The following GRIK2 variants were observed in gnomAD, a reference collection of about 807,000 sequenced individuals.
GRIK2 encodes the protein glutamate ionotropic receptor kainate type subunit 2, also known as glutamate receptor ionotropic, kainate 2.
GRIK2 carries 32 observed loss-of-function variants against 100.3 expected under a neutral mutation model. The observed-to-expected ratio is 0.32, with a 90% CI of 0.24 to 0.43. The LOEUF (loss-of-function observed/expected upper bound fraction) is 0.43. Ranked by LOEUF, GRIK2 falls within the 20% of genes least tolerant of loss-of-function variation. The pLI, the probability that GRIK2 is intolerant of heterozygous loss-of-function variation, is 1.00. For synonymous variants in GRIK2, 417 were observed against 389.4 expected, an observed-to-expected ratio of 1.07 and a Z score of -0.83; for missense variants, 843 against 1,114.9, an observed-to-expected ratio of 0.76 and a Z score of 3.47.
At chr6:102,031,104 CACACACACACACACACACACACA>C (rs1277618221) in intron 14 of GRIK2, among the ~76,000 whole-genome samples, 2 of 140,848 alleles carry the variant, frequency 1.4e-5, no homozygotes, top group African/African-American at 5.0e-5. Context: ...CACACACACA[CACACACACACACACACACACACA>C]CCCCCTTTGA....
chr6:101,899,709 CTT>C lies in GRIK2; in HGVS notation c.1748+9847_1748+9848del, dbSNP rs1787715287. On this transcript the variant is annotated intron_variant, in intron 12 of 16. Coordinates refer to ENST00000369134, the MANE Select transcript of GRIK2 (RefSeq NM_021956.5). ...TAAATTTTCCTATTAAATGGATAAA[CTT>C]AATATTTGAAGCAAAGGTGAAATTG... Among the ~76,000 whole-genome samples, 3 of 152,034 alleles carry C rather than the reference CTT, an allele frequency of 2.0e-5. No individual in the cohort carries two copies. In the South Asian group the frequency reaches 6.2e-4, roughly 31 times the overall value.
intron 12 of GRIK2, among the ~76,000 whole-genome samples, chr6:101,899,837 A>G (rs1787721980): frequency 6.6e-6 from 1 of 152,196 alleles, no homozygotes; most frequent in African/African-American, 2.4e-5. Context: ...TTATTTTAAC[A>G]TAATAAAATT....
chr6:101,407,454 T>C (rs1775652186), intron 2 of GRIK2, among the ~76,000 whole-genome samples: 1 of 152,112 alleles, frequency 6.6e-6, no homozygotes. Context: ...AATTTTGCTG[T>C]TTTTTTCAGT....
At chr6:101,681,929 C>T (rs1188254553) in intron 5 of GRIK2, among the ~76,000 whole-genome samples, 1 of 152,150 alleles carries the variant, frequency 6.6e-6, no homozygotes. Context: ...AAAGTTCTAA[C>T]CCAAAAGTCC....
At chr6:101,410,602 A>G (rs896642827) in intron 2 of GRIK2, among the ~76,000 whole-genome samples, 4 of 152,124 alleles carry the variant, frequency 2.6e-5, no homozygotes, top group Non-Finnish European at 4.4e-5. Context: ...CACCTCCTTG[A>G]GCAGTGGTAC....
intron 2 of GRIK2, among the ~76,000 whole-genome samples, chr6:101,430,104 G>T (rs1769293268): frequency 6.6e-6 from 1 of 152,140 alleles, no homozygotes; most frequent in African/African-American, 2.4e-5. Flanking sequence ...TGGGCACACA[G>T]ACTCACCAAA....
rs1769622631 is a variant in GRIK2 at position 102,025,054 on chromosome 6, G to A, written c.2086-10287G>A. Reference sequence around the variant, plus strand: ...AGTCTAATCCGTTTATTCCACAATTGAACAAATTGACTTCTAGAGAGATAA... The same window carrying A: ...AGTCTAATCCGTTTATTCCACAATTAAACAAATTGACTTCTAGAGAGATAA... On this transcript the variant is annotated intron_variant, in intron 14 of 16. Coordinates refer to ENST00000369134, the MANE Select transcript of GRIK2 (RefSeq NM_021956.5). 2.0e-5 allele frequency among the ~76,000 whole-genome samples: 3 copies of A among 150,942 alleles called. No homozygotes were observed. In the South Asian group the frequency reaches 6.2e-4, roughly 31 times the overall value.
intron 2 of GRIK2, among the ~76,000 whole-genome samples, chr6:101,516,569 C>A (rs530423551): frequency 2.0e-5 from 3 of 152,008 alleles, no homozygotes; most frequent in Non-Finnish European, 4.4e-5. Flanking sequence ...TCATCTCTCA[C>A]CTTATACAAA....
At chr6:101,531,463 T>C (rs1775440259) in intron 2 of GRIK2, among the ~76,000 whole-genome samples, 1 of 152,062 alleles carries the variant, frequency 6.6e-6, no homozygotes, top group East Asian at 1.9e-4. Context: ...AGAGTCTTTC[T>C]AGAAGTTGTT....
chr6:101,494,070 G>A (rs945263542), intron 2 of GRIK2, among the ~76,000 whole-genome samples: 15 of 145,524 alleles, frequency 1.0e-4, no homozygotes, highest in African/African-American at 3.8e-4. Context: ...TTTTATACAA[G>A]CAATTTATAA....
chr6:101,473,912 T>C (rs1164258257), intron 2 of GRIK2, among the ~76,000 whole-genome samples: 3 of 151,932 alleles, frequency 2.0e-5, no homozygotes, highest in Non-Finnish European at 4.4e-5. Flanking sequence ...TGTAAAATTT[T>C]GTGGGAATAT....
At chr6:101,613,982 A>C (rs1779791624) in intron 2 of GRIK2, among the ~76,000 whole-genome samples, 1 of 151,694 alleles carries the variant, frequency 6.6e-6, no homozygotes. Context: ...AATATATGGG[A>C]GAACTTTGTG....
At chr6:101,555,284 G>A (rs1024371597) in intron 2 of GRIK2, among the ~76,000 whole-genome samples, 1 of 152,144 alleles carries the variant, frequency 6.6e-6, no homozygotes, top group African/African-American at 2.4e-5. Flanking sequence ...GCTGTGCCGG[G>A]AAGTATAGCT....
At chr6:101,667,324 A>G (rs567544588) in intron 4 of GRIK2, among the ~76,000 whole-genome samples, 1 of 152,296 alleles carries the variant, frequency 6.6e-6, no homozygotes, top group South Asian at 2.1e-4. Flanking sequence ...AAAAACAAAA[A>G]CATAATGGCC....
chr6:101,938,546 T>C (rs955034547), intron 14 of GRIK2, among the ~76,000 whole-genome samples: 1 of 152,120 alleles, frequency 6.6e-6, no homozygotes, highest in African/African-American at 2.4e-5. Context: ...ACAACTTGAA[T>C]CTTTGTTTTT....
intron 2 of GRIK2, among the ~76,000 whole-genome samples, chr6:101,565,927 A>ATATG (rs1167005481): frequency 1.2e-4 from 11 of 95,368 alleles, no homozygotes; most frequent in African/African-American, 4.6e-4. Flanking sequence ...ATATATATAT[A>ATATG]TATATGTGTA....
At chr6:101,753,916 C>G (rs1776959561) in intron 7 of GRIK2, among the ~76,000 whole-genome samples, 1 of 151,840 alleles carries the variant, frequency 6.6e-6, no homozygotes, top group Non-Finnish European at 1.5e-5. Context: ...TAAGACTGTT[C>G]CACATATTAC....
intron 7 of GRIK2, among the ~76,000 whole-genome samples, chr6:101,746,142 TAGG>T (rs1013002837): frequency 6.6e-6 from 1 of 152,224 alleles, no homozygotes; most frequent in African/African-American, 2.4e-5. Context: ...ATAATAATTC[TAGG>T]AGAATTGAGT....
At chr6:101,666,382 T>C (rs543167984) in intron 4 of GRIK2, among the ~76,000 whole-genome samples, 278 of 152,318 alleles carry the variant, frequency 1.8e-3, no homozygotes, top group Non-Finnish European at 2.8e-3. Flanking sequence ...ATGTCTTAAG[T>C]GTTTATTAGG....
Sources: gnomAD v4.1 joint callset for allele counts (sites outside exome capture counted in the v4.1 genomes callset) on GRCh38, gnomAD v4.1.1 for gene constraint, MANE v1.5 for transcripts, NCBI Gene and HGNC (gene_info 2026-07-23, HGNC 2026-07-21) for gene names.